Variants in NBEAL2 observed in about 807,000 individuals in gnomAD.
The protein encoded by NBEAL2 is neurobeachin-like protein 2.
Under a neutral mutation model 299.8 loss-of-function variants are expected in NBEAL2, and 160 were observed. That is an observed-to-expected ratio of 0.53 (90% CI 0.47 to 0.61). The LOEUF (loss-of-function observed/expected upper bound fraction) is 0.61. Ranked by LOEUF, NBEAL2 falls within the 20% of genes least tolerant of loss-of-function variation. The probability of loss-of-function intolerance (pLI) is 0.00; values close to 1 mark genes in which losing one functional copy is unlikely to be tolerated. For missense variants in NBEAL2, 3,112 were observed against 3,649.0 expected, an observed-to-expected ratio of 0.85 and a Z score of 3.79; for synonymous variants, 1,493 against 1,542.3, an observed-to-expected ratio of 0.97 and a Z score of 0.75.
In NBEAL2 at chr3:46,988,999, G is replaced by A. The variant is rs780529200; in HGVS notation, c.269+29G>A. On this transcript the variant is annotated intron_variant, in intron 3 of 53. Coordinates refer to ENST00000450053, the MANE Select transcript of NBEAL2 (RefSeq NM_015175.3). This position sits in a 1 kb window ranked among gnomAD's most constrained non-coding sequence, Gnocchi z 4.4. ...TCTCTGTTGTCCACTCTACAAGCAG[G>A]GGCCTAGAACTGTGGGCCAGAGGGA... 7 of 1,612,354 alleles carry A rather than the reference G, an allele frequency of 4.3e-6. No individual in the cohort carries two copies. In the Admixed American group the frequency reaches 8.4e-5, roughly 19 times the overall value.
rs2037247830 is a variant in NBEAL2, at chr3:47,004,207, C to G, written c.6012C>G (p.Cys2004Trp). Residue 2004 changes from cysteine (C) to tryptophan (W), a missense_variant, in exon 37 of 54, where the codon TGC (cysteine) becomes TGG (tryptophan). By Grantham distance (215) the Cys-to-Trp change is radical. This residue lies in a region of NBEAL2 where 521 missense variants were observed against 729.6 expected (regional missense o/e 0.71). Transcript: ENST00000450053. The surrounding 1 kb of genome is among the most constrained non-coding windows in gnomAD (Gnocchi z 5.0). ...CCAACTACTTCCTCAACTTCCCATG[C>G]AAGGTGGGCACGACCCCAGTCTCAT... ...DQANYFLNFP[C>W]KVGTTPVSSP... The G allele has an allele frequency of 6.2e-7, 1 of 1,613,810 alleles. No homozygotes were observed. The highest frequency in any genetic ancestry group is 8.5e-7 in the Non-Finnish European group (1 of 1,179,838).
In NBEAL2 at chr3:47,001,736, C is replaced by G; in HGVS notation, c.4692C>G (p.Pro1564=). 1 of 1,613,944 alleles carries G rather than the reference C, an allele frequency of 6.2e-7. No individual in the cohort carries two copies. The highest frequency in any genetic ancestry group is 8.5e-7 in the Non-Finnish European group (1 of 1,179,894). Reference sequence around the variant, plus strand: ...TACTTGATCGCCTGGGAGCCTGGCCCCACCTGGCCAACGGCACAGCTGATC... The same window carrying G: ...TACTTGATCGCCTGGGAGCCTGGCCGCACCTGGCCAACGGCACAGCTGATC... The part of the protein sequence containing the change: ...CSLLDRLGAW[P]HLANGTADLR... Residue 1564 remains proline (P), a synonymous_variant, in exon 30 of 54, where the codon CCC becomes CCG. Coordinates refer to ENST00000450053, the MANE Select transcript of NBEAL2 (RefSeq NM_015175.3). This position sits in a 1 kb window ranked among gnomAD's most constrained non-coding sequence, Gnocchi z 6.1.
At position 46,998,961 on chromosome 3, in the gene NBEAL2, G is replaced by A. The variant is rs371065166; in HGVS notation, c.3387G>A (p.Ala1129=). Residue 1129 remains alanine (A), a splice_region_variant and synonymous_variant, in exon 24 of 54, where the codon GCG becomes GCA. Transcript: ENST00000450053. ...AGTGTGAGACCCTGCATCCCCAGGC[G>A]GTGGGTGCGCTGGACCTGCTGCTGG... ...FLAATGDDGQ[A]VGALDLLLAL... is the part of the protein sequence containing the mutation. The A allele has an allele frequency of 6.4e-5, 102 of 1,606,266 alleles. 1 individual carries two copies. In the East Asian group the frequency reaches 1.4e-3, roughly 22 times the overall value.
intron 11 of NBEAL2, 105 bp downstream of exon 11, chr3:46,994,125 G>A (rs1243578192): frequency 1.7e-6 from 2 of 1,200,456 alleles, no homozygotes; most frequent in Admixed American, 2.1e-5. Context: ...CTGCTCCCTG[G>A]AGCAAAGCAG....
chr3:46,988,067 C>T lies in NBEAL2; in HGVS notation c.52-602C>T. On this transcript the variant is annotated intron_variant, in intron 1 of 53. Transcript: ENST00000450053. The surrounding 1 kb of genome is among the most constrained non-coding windows in gnomAD (Gnocchi z 4.4). ...TTGCCCATGGAACCAGCTCTGGGGC[C>T]TGGGGTCCAGGTAACCAGCAAGGGT... is the stretch of plus-strand genomic sequence containing the variant. 1.6e-6 allele frequency: 2 copies of T among 1,243,142 alleles called. No individual in the cohort carries two copies. Among genetic ancestry groups the T allele is most frequent in the Non-Finnish European group, 2.1e-6 (2 of 967,526 alleles). The allele number at this position is 1,243,142 out of a possible 1,614,324, so 77.0% of individuals were successfully genotyped here.
At position 46,994,294 on chromosome 3, in the gene NBEAL2, C is replaced by G. The variant is rs1012413696; in HGVS notation, c.1198-161C>G. 3.9e-5 allele frequency among the ~76,000 whole-genome samples: 6 copies of G among 152,278 alleles called. No individual in the cohort carries two copies. In the East Asian group the frequency reaches 1.2e-3, roughly 29 times the overall value. On this transcript the variant is annotated intron_variant, in intron 11 of 53. Transcript: ENST00000450053. The stretch of plus-strand genomic sequence containing the variant: ...CCTTCTGAGATGTACTCACGTCCCC[C>G]CCATCCCTCTGCAGCCCACTGCCCA...
Position 46,996,946 on chromosome 3 carries a change from A to C in NBEAL2, c.2557-8A>C. 2 of 1,612,690 alleles carry C rather than the reference A, an allele frequency of 1.2e-6. No homozygotes were observed. The highest frequency in any genetic ancestry group is 1.1e-5 in the South Asian group (1 of 91,044). ...ACCCTGGCTGCCTGCCCATTCCCCTATCCCTAGGCTTGTAAGAACAACATC... is the reference window on the plus strand; with the variant it reads ...ACCCTGGCTGCCTGCCCATTCCCCTCTCCCTAGGCTTGTAAGAACAACATC... On this transcript the variant is annotated splice_region_variant and splice_polypyrimidine_tract_variant and intron_variant, in intron 17 of 53. Coordinates refer to ENST00000450053, the MANE Select transcript of NBEAL2 (RefSeq NM_015175.3).
chr3:47,006,710 C>T (rs570614961), intron 45 of NBEAL2, among the ~76,000 whole-genome samples: 8 of 152,276 alleles, frequency 5.3e-5, no homozygotes, highest in Non-Finnish European at 7.4e-5. Flanking sequence ...CCCCTTCCAT[C>T]GCCTTCCTAG....
chr3:47,004,696 C>A lies in NBEAL2; in HGVS notation c.6294+106C>A. ...CAGTGGGCCAAGCTCTGAGCTTGGT[C>A]AAGGGTAGATGTGCCAATGAAGACC... On this transcript the variant is annotated intron_variant, in intron 38 of 53. Transcript: ENST00000450053. This position sits in a 1 kb window ranked among gnomAD's most constrained non-coding sequence, Gnocchi z 5.0. 7.9e-7 allele frequency: 1 copy of A among 1,258,706 alleles called. No homozygotes were observed. The highest frequency in any genetic ancestry group is 1.2e-5 in the South Asian group (1 of 81,518). 78.0% of individuals were successfully genotyped at this position (1,258,706 alleles called of 1,614,324 possible).
intron 12 of NBEAL2, 94 bp downstream of exon 12, chr3:46,994,647 A>G: frequency 9.2e-7 from 1 of 1,085,240 alleles, no homozygotes; most frequent in Admixed American, 2.1e-5. Flanking sequence ...GGGGGACCGT[A>G]TTGACTGCGG....
chr3:46,995,305 G>A lies in NBEAL2; in HGVS notation c.1570G>A (p.Gly524Ser). 1.3e-6 allele frequency: 2 copies of A among 1,580,842 alleles called. No homozygotes were observed. The highest frequency in any genetic ancestry group is 1.7e-4 in the Middle Eastern group (1 of 6,018). Residue 524 changes from glycine to serine, a missense_variant, in exon 13 of 54, where the codon GGC (glycine) becomes AGC (serine). Coordinates refer to ENST00000450053, the MANE Select transcript of NBEAL2 (RefSeq NM_015175.3). ...GCTGCTGGCACTGCTACAAGCACTGGGCCGTGTATCAATAAGGCCCATGGA... is the reference window on the plus strand; with the variant it reads ...GCTGCTGGCACTGCTACAAGCACTGAGCCGTGTATCAATAAGGCCCATGGA... ...EQLLALLQALGRVSIRPMELR... is the reference protein window; with the variant it reads ...EQLLALLQALSRVSIRPMELR...
Position 46,996,349 on chromosome 3 carries a change from C to A in NBEAL2, c.2230C>A (p.Pro744Thr). The A allele has an allele frequency of 6.2e-7, 1 of 1,612,430 alleles. No individual in the cohort carries two copies. The highest frequency in any genetic ancestry group is 8.5e-7 in the Non-Finnish European group (1 of 1,179,854). Reference sequence around the variant, plus strand: ...CACAGGGCTGCCCACACCACCAGTCCCCGCCACCCTGGCCTACACTCACCC... The same window carrying A: ...CACAGGGCTGCCCACACCACCAGTCACCGCCACCCTGGCCTACACTCACCC... ...TTTGLPTPPVPATLAYTHPAL... is the reference protein window; with the variant it reads ...TTTGLPTPPVTATLAYTHPAL... The change falls in exon 16 of 54, where the codon CCC becomes ACC. Residue 744 changes from proline to threonine, a missense_variant. Physicochemically the swap from Pro to Thr is conservative, Grantham distance 38. Coordinates refer to ENST00000450053, the MANE Select transcript of NBEAL2 (RefSeq NM_015175.3).
Position 47,003,482 on chromosome 3 carries a change from G to A in NBEAL2, c.5720+173G>A, listed in dbSNP as rs2037189735. Among the ~76,000 whole-genome samples, 1 of 152,136 alleles carries A rather than the reference G, an allele frequency of 6.6e-6. No individual in the cohort carries two copies. Among genetic ancestry groups the A allele is most frequent in the African/African-American group, 2.4e-5 (1 of 41,426 alleles). On this transcript the variant is annotated intron_variant, in intron 35 of 53. Transcript: ENST00000450053. This position sits in a 1 kb window ranked among gnomAD's most constrained non-coding sequence, Gnocchi z 7.0. ...GGTGAGTGGGAGAGTCTCCTAACAG[G>A]GCTGAGAGTTGCTCTTTTAACAGCC...
In NBEAL2 at chr3:47,002,806, G is replaced by A. The variant is rs2037126252; in HGVS notation, c.5459+4G>A. 6.4e-7 allele frequency: 1 copy of A among 1,554,616 alleles called. No homozygotes were observed. The highest frequency in any genetic ancestry group is 8.7e-7 in the Non-Finnish European group (1 of 1,155,036). ...CATGTGGGGCCTGGGCGCTGAGGTG[G>A]GCCGGGCTTGGGGCAGGGTCGCTGT... On this transcript the variant is annotated splice_donor_region_variant and intron_variant, in intron 33 of 53. Transcript: ENST00000450053.
In NBEAL2 at chr3:47,009,463, G is replaced by C; in HGVS notation, c.*143G>C. 1.3e-6 allele frequency: 1 copy of C among 793,016 alleles called. No homozygotes were observed. Among genetic ancestry groups the C allele is most frequent in the Non-Finnish European group, 2.0e-6 (1 of 493,430 alleles). The allele number at this position is 793,016 out of a possible 1,614,324, so 49.1% of individuals were successfully genotyped here. Reference sequence around the variant, plus strand: ...CCCTGCCCAGCTCAGGGATTGGCGGGCGATGTTACCCCCTCAGGGATTGGC... The same window carrying C: ...CCCTGCCCAGCTCAGGGATTGGCGGCCGATGTTACCCCCTCAGGGATTGGC... On this transcript the variant is annotated 3_prime_UTR_variant, in exon 54 of 54. Coordinates refer to ENST00000450053, the MANE Select transcript of NBEAL2 (RefSeq NM_015175.3).
In NBEAL2 at chr3:46,989,366, G is replaced by A. The variant is rs761465234; in HGVS notation, c.458G>A (p.Arg153Gln). The A allele has an allele frequency of 2.6e-5, 41 of 1,579,274 alleles. No homozygotes were observed. The highest frequency in any genetic ancestry group is 4.7e-5 in the East Asian group (2 of 42,994). Residue 153 changes from arginine (R) to glutamine (Q), a missense_variant, in exon 5 of 54, where the codon CGG (arginine) becomes CAG (glutamine). Arg to Gln is a conservative substitution (Grantham distance 43). Around this residue, in one of 3 missense-constraint regions of NBEAL2, gnomAD observed 2,243 missense variants for 2,538.1 expected, o/e 0.88. Coordinates refer to ENST00000450053, the MANE Select transcript of NBEAL2 (RefSeq NM_015175.3). The surrounding 1 kb of genome is among the most constrained non-coding windows in gnomAD (Gnocchi z 5.5). Reference protein sequence around the residue: ...EGLFDPYQTWRRQRSGEVISS... With the variant: ...EGLFDPYQTWQRQRSGEVISS... ...CTCTTTGACCCTTACCAAACCTGGCGGCGCCAGCGCAGTGGGTGAGACCCA... is the reference window on the plus strand; with the variant it reads ...CTCTTTGACCCTTACCAAACCTGGCAGCGCCAGCGCAGTGGGTGAGACCCA...
At position 46,996,272 on chromosome 3, in the gene NBEAL2, C is replaced by CT. The variant is rs777959145; in HGVS notation, c.2156dup (p.Ser720LeufsTer83). ...GCTCCCCCAACCCCGGCCCCACAGC[C>CT]TTTCTCCTCCTGCTGTATCGGCTCC... On this transcript the variant is annotated frameshift_variant and splice_region_variant, in exon 16 of 54. Transcript: ENST00000450053. LOFTEE classifies it high-confidence loss of function. 6.2e-7 allele frequency: 1 copy of CT among 1,606,080 alleles called. No homozygotes were observed.
In NBEAL2 at chr3:46,982,612, C is replaced by T. The variant is rs73831455; in HGVS notation, c.51+2700C>T. Among the ~76,000 whole-genome samples, 324 of 152,276 alleles carry T rather than the reference C, an allele frequency of 2.1e-3. 3 individuals are homozygous for T. The highest frequency in any genetic ancestry group is 7.5e-3 in the African/African-American group (311 of 41,548). ...CAGGGTCCTACTACGATTGTCAGAC[C>T]TCACATGCAGTAGGTGCTCCTTGGG... On this transcript the variant is annotated intron_variant, in intron 1 of 53. Transcript: ENST00000450053. The surrounding 1 kb of genome is among the most constrained non-coding windows in gnomAD (Gnocchi z 4.2).
rs776626830 is a variant in NBEAL2, at chr3:46,991,599, G to C, written c.836G>C (p.Ser279Thr). The change falls in exon 8 of 54, where the codon AGC becomes ACC. Residue 279 changes from serine to threonine, a missense_variant. By Grantham distance (58) the Ser-to-Thr change is moderately conservative. This residue lies in a region of NBEAL2 where 2,243 missense variants were observed against 2,538.1 expected (regional missense o/e 0.88). Transcript: ENST00000450053. This position sits in a 1 kb window ranked among gnomAD's most constrained non-coding sequence, Gnocchi z 6.2. Reference protein sequence around the residue: ...RGPELRALLESYFHVLNADWP... With the variant: ...RGPELRALLETYFHVLNADWP... ...CCAGAGCTTCGTGCCCTGCTTGAGA[G>C]CTACTTCCATGTCCTTAATGCTGAC... The C allele has an allele frequency of 1.9e-6, 3 of 1,600,988 alleles. No individual in the cohort carries two copies. The highest frequency in any genetic ancestry group is 2.5e-6 in the Non-Finnish European group (3 of 1,179,820).
Sources: gnomAD v4.1 joint callset for allele counts (sites outside exome capture counted in the v4.1 genomes callset) on GRCh38, gnomAD v4.1.1 for gene constraint, gnomAD v4.1.1 regional missense constraint, Gnocchi (gnomAD v3.1) non-coding constraint, MANE v1.5 for transcripts, NCBI Gene and HGNC (gene_info 2026-07-23, HGNC 2026-07-21) for gene names.